Variants in ATRNL1 observed in about 807,000 individuals in gnomAD.
ATRNL1 encodes attractin-like protein 1.
A neutral mutation model predicts 182.7 loss-of-function variants in ATRNL1; 95 were observed. The ratio of observed to expected loss-of-function variants is 0.52; its 90% CI spans 0.44 to 0.62. The LOEUF is 0.62. Ranked by LOEUF, ATRNL1 falls within the 20% of genes least tolerant of loss-of-function variation. The pLI, the probability that ATRNL1 is intolerant of heterozygous loss-of-function variation, is 0.00. For missense variants in ATRNL1, 1,471 were observed against 1,679.5 expected, an observed-to-expected ratio of 0.88 and a Z score of 2.17; for synonymous variants, 576 against 568.3, an observed-to-expected ratio of 1.01 and a Z score of -0.19.
intron 26 of ATRNL1, among the ~76,000 whole-genome samples, chr10:115,717,500 G>A (rs1555056602): frequency 6.7e-6 from 1 of 149,942 alleles, no homozygotes; most frequent in East Asian, 2.0e-4. Context: ...TTTAAGCTCA[G>A]GCTTGCCTCA....
At chr10:115,611,258 A>G (rs1384802386) in intron 26 of ATRNL1, among the ~76,000 whole-genome samples, 1 of 152,118 alleles carries the variant, frequency 6.6e-6, no homozygotes, top group African/African-American at 2.4e-5. Context: ...TCTAATGTGC[A>G]ATCCTTAATT....
intron 26 of ATRNL1, among the ~76,000 whole-genome samples, chr10:115,571,171 T>A (rs926012492): frequency 1.3e-5 from 2 of 152,300 alleles, no homozygotes; most frequent in South Asian, 4.1e-4. Flanking sequence ...GGAGGCAGCT[T>A]CTAGTCCTTT....
chr10:115,741,132 C>T lies in ATRNL1; in HGVS notation c.3903+13777C>T, dbSNP rs77520156. ...TGGAAAATATGTTATCTTTACCTTT[C>T]AGAAACTTACAGACTAACAAGAGAG... is the stretch of plus-strand genomic sequence containing the variant. On this transcript the variant is annotated intron_variant, in intron 27 of 28. Coordinates refer to ENST00000355044, the MANE Select transcript of ATRNL1 (RefSeq NM_207303.4). Among the ~76,000 whole-genome samples, 458 of 152,142 alleles carry T rather than the reference C, an allele frequency of 3.0e-3. 7 individuals carry two copies. The East Asian group carries it at 0.048, about 16-fold the overall frequency.
At chr10:115,498,201 T>C (rs1350248293) in intron 24 of ATRNL1, among the ~76,000 whole-genome samples, 1 of 152,178 alleles carries the variant, frequency 6.6e-6, no homozygotes, top group Non-Finnish European at 1.5e-5. Flanking sequence ...ATATTTATTT[T>C]CTTTGCCTAT....
intron 26 of ATRNL1, among the ~76,000 whole-genome samples, chr10:115,665,675 A>G (rs1371033356): frequency 6.6e-6 from 1 of 152,182 alleles, no homozygotes; most frequent in Admixed American, 6.6e-5. Context: ...AATGTTAGAA[A>G]TCAAGCAAAA....
chr10:115,288,788 C>T (rs1334866082), intron 15 of ATRNL1, among the ~76,000 whole-genome samples: 5 of 152,106 alleles, frequency 3.3e-5, no homozygotes, highest in Non-Finnish European at 7.4e-5. Context: ...TCCCAAAGTG[C>T]TGGGATTACA....
intron 19 of ATRNL1, among the ~76,000 whole-genome samples, chr10:115,386,018 T>C (rs782018626): frequency 4.6e-5 from 7 of 152,158 alleles, no homozygotes; most frequent in Non-Finnish European, 7.4e-5. Context: ...TCGTCTTTTT[T>C]AAATGCTTTT....
At chr10:115,168,067 A>T (rs1334076001) in intron 7 of ATRNL1, among the ~76,000 whole-genome samples, 1 of 152,196 alleles carries the variant, frequency 6.6e-6, no homozygotes, top group East Asian at 1.9e-4. Flanking sequence ...GACATTTCAT[A>T]TAAATGAAGT....
intron 25 of ATRNL1, among the ~76,000 whole-genome samples, chr10:115,536,420 G>A (rs1441302744): frequency 6.6e-6 from 1 of 152,232 alleles, no homozygotes; most frequent in East Asian, 1.9e-4. Flanking sequence ...CGAGCCAGGT[G>A]TGGGATATAA....
intron 25 of ATRNL1, among the ~76,000 whole-genome samples, chr10:115,523,933 A>C (rs1554985917): frequency 6.6e-6 from 1 of 152,214 alleles, no homozygotes; most frequent in Non-Finnish European, 1.5e-5. Flanking sequence ...GTAATACATA[A>C]AGGAAAGAGG....
chr10:115,742,930 G>C (rs1352625844), intron 27 of ATRNL1, among the ~76,000 whole-genome samples: 1 of 152,138 alleles, frequency 6.6e-6, no homozygotes, highest in Non-Finnish European at 1.5e-5. Flanking sequence ...TCACAGTTCA[G>C]CATGGCTGGG....
rs1393983900 is a variant in ATRNL1, at chr10:115,320,724, G to GT, written c.3037+4997dup. Among the ~76,000 whole-genome samples the GT allele has an allele frequency of 1.3e-3, 200 of 149,922 alleles. 3 individuals are homozygous for GT. Among genetic ancestry groups the GT allele is most frequent in the East Asian group, 2.3e-3 (12 of 5,116 alleles). ...GTTTGCTTCATGAAGTTCTTGTGCT[G>GT]TTTTTTTTTCAGCTCCATCAGATAT... On this transcript the variant is annotated intron_variant, in intron 18 of 28. Coordinates refer to ENST00000355044, the MANE Select transcript of ATRNL1 (RefSeq NM_207303.4).
At chr10:115,167,165 A>G (rs1275882322) in intron 7 of ATRNL1, among the ~76,000 whole-genome samples, 4 of 151,844 alleles carry the variant, frequency 2.6e-5, no homozygotes, top group Non-Finnish European at 5.9e-5. Context: ...TCTTTTTCCC[A>G]TTAAATGGTC....
chr10:115,944,059 G>A (rs148997300), intron 28 of ATRNL1, among the ~76,000 whole-genome samples: 103 of 151,828 alleles, frequency 6.8e-4, no homozygotes, highest in Middle Eastern at 6.8e-3. Context: ...GGTGAAGTGC[G>A]GGGGTATTTT....
chr10:115,549,423 T>C, intron 25 of ATRNL1, 35 bp from the exon 26 acceptor site: 1 of 1,539,746 alleles, frequency 6.5e-7, no homozygotes, highest in African/African-American at 1.4e-5. Flanking sequence ...TTCAAATAAG[T>C]TTTGAGCAAA....
chr10:115,850,029 T>C (rs1216528776), intron 28 of ATRNL1, among the ~76,000 whole-genome samples: 1 of 152,158 alleles, frequency 6.6e-6, no homozygotes, highest in African/African-American at 2.4e-5. Context: ...AGAATGAGCT[T>C]GTTCTTTGTT....
chr10:115,514,487 A>G (rs1251025105), intron 24 of ATRNL1, among the ~76,000 whole-genome samples: 1 of 146,686 alleles, frequency 6.8e-6, no homozygotes, highest in East Asian at 2.0e-4. Flanking sequence ...TAAAAAAAAT[A>G]TATAGAGATG....
intron 19 of ATRNL1, among the ~76,000 whole-genome samples, chr10:115,379,229 G>A (rs1182367920): frequency 2.0e-5 from 3 of 152,162 alleles, no homozygotes; most frequent in Admixed American, 2.0e-4. Flanking sequence ...AAAGGCCACT[G>A]TATAATGCCT....
chr10:115,350,050 A>G lies in ATRNL1; in HGVS notation c.3175+15631A>G, dbSNP rs573019883. ...GACCAATGTTCTGTAGAATTTCCTC[A>G]ATGTTGGCTGGGCACAATGGCTCAC... On this transcript the variant is annotated intron_variant, in intron 19 of 28. Transcript: ENST00000355044. Among the ~76,000 whole-genome samples the G allele has an allele frequency of 3.3e-5, 5 of 152,130 alleles. 1 individual carries two copies. The South Asian group carries it at 1.0e-3, about 32-fold the overall frequency.
Sources: gnomAD v4.1 joint callset for allele counts (sites outside exome capture counted in the v4.1 genomes callset) on GRCh38, gnomAD v4.1.1 for gene constraint, MANE v1.5 for transcripts, NCBI Gene and HGNC (gene_info 2026-07-23, HGNC 2026-07-21) for gene names.